The following ENTPD5 variants were observed in gnomAD, a reference collection of about 807,000 sequenced individuals.
ENTPD5 encodes ectonucleoside triphosphate diphosphohydrolase 5 (inactive).
In ENTPD5, 49 loss-of-function variants were observed where a neutral mutation model predicts 60.2. The ratio of observed to expected loss-of-function variants is 0.81; its 90% CI spans 0.65 to 1.03. The LOEUF is 1.03. ENTPD5 is among the 50% of genes least tolerant of loss of function. The pLI, the probability that ENTPD5 is intolerant of heterozygous loss-of-function variation, is 0.00. For synonymous variants in ENTPD5, 187 were observed against 185.4 expected, an observed-to-expected ratio of 1.01 and a Z score of -0.07; for missense variants, 480 against 507.6, an observed-to-expected ratio of 0.95 and a Z score of 0.52.
At chr14:73,956,220 T>C (rs1985969), downstream of ENTPD5, 212,502 of 353,950 alleles carry the variant, frequency 0.6, 65,849 homozygotes, top group Admixed American at 0.67. Context: ...CCCAGCTACT[T>C]GGGAGGCTGA....
intron 1 of ENTPD5, chr14:74,018,669 G>A (rs1291845217): frequency 2.0e-5 from 3 of 152,156 alleles, no homozygotes; most frequent in Non-Finnish European, 4.4e-5. Flanking sequence ...TCGTGGGCAG[G>A]AAGTATCGGC....
chr14:73,969,636 G>A (rs1179141065), intron 15 of ENTPD5, among the ~76,000 whole-genome samples: 5 of 151,938 alleles, frequency 3.3e-5, no homozygotes, highest in African/African-American at 9.7e-5. Context: ...CCCAGGAGGC[G>A]AAGGTTGCAG....
At chr14:74,018,651 G>C (rs1458736011) in intron 1 of ENTPD5, 1 of 152,190 alleles carries the variant, frequency 6.6e-6, no homozygotes, top group Non-Finnish European at 1.5e-5. Context: ...TGGAAATCCG[G>C]GGGGCGGTCG....
chr14:73,989,990 G>A (rs1018716316), intron 3 of ENTPD5, among the ~76,000 whole-genome samples: 49 of 152,046 alleles, frequency 3.2e-4, no homozygotes, highest in African/African-American at 1.1e-3. Context: ...TTGGGCAACA[G>A]AGCAAGACTT....
chr14:73,974,621 A>G (rs977675459), intron 11 of ENTPD5, among the ~76,000 whole-genome samples: 5 of 152,208 alleles, frequency 3.3e-5, no homozygotes, highest in Non-Finnish European at 7.3e-5. Flanking sequence ...GGGCTTGAGC[A>G]AGCTCCTGCT....
At position 74,001,496 on chromosome 14, in the gene ENTPD5, C is replaced by T. The variant is rs189523456; in HGVS notation, c.-71+9595G>A. 8.0e-4 allele frequency among the ~76,000 whole-genome samples: 119 copies of T among 149,354 alleles called. 1 individual carries two copies. The East Asian group carries it at 0.021, about 27-fold the overall frequency. On this transcript the variant is annotated intron_variant, in intron 3 of 15. Transcript: ENST00000334696. ...CAGCCTGGGCAACAGAGCAAGACTC[C>T]ATCCCAAAAAAAAAGAAAAAAATTA...
chr14:73,984,230 G>T (rs992294137), intron 5 of ENTPD5, among the ~76,000 whole-genome samples: 1 of 152,176 alleles, frequency 6.6e-6, no homozygotes, highest in Non-Finnish European at 1.5e-5. Flanking sequence ...TCAGCTTTAG[G>T]ATGGTAGAGT....
In ENTPD5 at chr14:73,987,999, A is replaced by C. The variant is rs1184629083; in HGVS notation, c.104T>G (p.Leu35Arg). 1.2e-6 allele frequency: 2 copies of C among 1,614,104 alleles called. No homozygotes were observed. Among genetic ancestry groups the C allele is most frequent in the East Asian group, 4.5e-5 (2 of 44,892 alleles). Residue 35 changes from leucine (L) to arginine (R), a missense_variant, in exon 4 of 16, where the codon CTG (leucine) becomes CGG (arginine). Leu to Arg is a moderately radical substitution (Grantham distance 102). Coordinates refer to ENST00000334696, the MANE Select transcript of ENTPD5 (RefSeq NM_001249.5). The stretch of plus-strand genomic sequence containing the variant: ...GACATTGATGGGGCACATGGAAGAC[A>C]GGAAGATACCCTCAAACCAAGTCTG... The part of the protein sequence containing the change: ...NQQTWFEGIF[L>R]SSMCPINVSA...
At chr14:73,997,951 T>A (rs768315996) in intron 3 of ENTPD5, among the ~76,000 whole-genome samples, 42 of 152,128 alleles carry the variant, frequency 2.8e-4, no homozygotes, top group Non-Finnish European at 4.1e-4. Flanking sequence ...GTATTACATG[T>A]CCAACTCCCA....
chr14:73,987,734 G>T, intron 4 of ENTPD5, 152 bp downstream of exon 4: 1 of 604,890 alleles, frequency 1.7e-6, no homozygotes, highest in Non-Finnish European at 2.8e-6. Flanking sequence ...TAAACCACAT[G>T]TTCAATTGTA....
chr14:73,960,521 G>A, downstream of ENTPD5: 1 of 996,724 alleles, frequency 1.0e-6, no homozygotes, highest in Non-Finnish European at 1.2e-6. Context: ...GAGATAAATG[G>A]TGAACACTAC....
chr14:73,975,403 C>CTTTT (rs56885977), intron 10 of ENTPD5, among the ~76,000 whole-genome samples: 2 of 115,580 alleles, frequency 1.7e-5, no homozygotes, highest in African/African-American at 3.6e-5. Flanking sequence ...GCTTTTGATT[C>CTTTT]TTTTTTTTTT....
In ENTPD5 at chr14:73,986,900, T is replaced by A. The variant is rs1216564471; in HGVS notation, c.218-7A>T. On this transcript the variant is annotated splice_region_variant and splice_polypyrimidine_tract_variant and intron_variant, in intron 4 of 15. Transcript: ENST00000334696. ...TCTAGAATTGGAAGCTGTCCTATTT[T>A]GTCCATGGAACAAAACAGAAGAGAG... 5.0e-6 allele frequency: 8 copies of A among 1,612,486 alleles called. No homozygotes were observed. Among genetic ancestry groups the A allele is most frequent in the Non-Finnish European group, 6.8e-6 (8 of 1,178,466 alleles).
intron 4 of ENTPD5, 38 bp downstream of exon 4, chr14:73,987,848 G>C (rs751488476): frequency 6.3e-7 from 1 of 1,596,870 alleles, no homozygotes. Context: ...CTAAAGTGTG[G>C]ATTTACAGAC....
chr14:73,973,632 A>G (rs145576076), intron 12 of ENTPD5, among the ~76,000 whole-genome samples: 6 of 152,278 alleles, frequency 3.9e-5, no homozygotes, highest in Non-Finnish European at 8.8e-5. Flanking sequence ...AGGACAATAG[A>G]TGTGCACCAC....
Position 73,977,951 on chromosome 14 carries a change from T to C in ENTPD5, c.442-577A>G, listed in dbSNP as rs147295964. Among the ~76,000 whole-genome samples, 21 of 152,288 alleles carry C rather than the reference T, an allele frequency of 1.4e-4. No individual in the cohort carries two copies. In the East Asian group the frequency reaches 4.0e-3, roughly 29 times the overall value. On this transcript the variant is annotated intron_variant, in intron 6 of 15. Coordinates refer to ENST00000334696, the MANE Select transcript of ENTPD5 (RefSeq NM_001249.5). Reference sequence around the variant, plus strand: ...CTTGCAAAAACATCTTGCCTCTCCATAATACAGACCATTGATATGGGTGTT... The same window carrying C: ...CTTGCAAAAACATCTTGCCTCTCCACAATACAGACCATTGATATGGGTGTT...
At position 74,017,483 on chromosome 14, in the gene ENTPD5, G is replaced by T. The variant is rs556582699; in HGVS notation, c.-237-1553C>A. Among the ~76,000 whole-genome samples the T allele has an allele frequency of 1.2e-4, 18 of 151,254 alleles. No individual in the cohort carries two copies. In the South Asian group the frequency reaches 3.7e-3, roughly 31 times the overall value. On this transcript the variant is annotated intron_variant, in intron 1 of 15. Transcript: ENST00000334696. ...AATCCCAGCTACTCGGGAGGCTGAG[G>T]CAGGAGAATCGCTTGAACTGGGAGG... is the stretch of plus-strand genomic sequence containing the variant.
intron 3 of ENTPD5, among the ~76,000 whole-genome samples, chr14:74,009,793 ATTT>A (rs35225003): frequency 6.7e-6 from 1 of 149,450 alleles, no homozygotes; most frequent in East Asian, 2.0e-4. Flanking sequence ...CATGTTTTCG[ATTT>A]TTTTTTTTTG....
At chr14:74,007,257 C>T (rs910335729) in intron 3 of ENTPD5, among the ~76,000 whole-genome samples, 3 of 152,148 alleles carry the variant, frequency 2.0e-5, no homozygotes, top group Non-Finnish European at 4.4e-5. Flanking sequence ...CGCGGTGGCT[C>T]ACGCCTGTAA....
Sources: allele counts gnomAD v4.1 joint callset (sites outside exome capture counted in the v4.1 genomes callset), GRCh38; gene constraint gnomAD v4.1.1; transcripts MANE v1.5; gene names NCBI Gene and HGNC (gene_info 2026-07-23, HGNC 2026-07-21).